The following WNK1 variants were observed in gnomAD, a reference collection of about 807,000 sequenced individuals.
WNK1 encodes the protein WNK lysine deficient protein kinase 1, also known as serine/threonine-protein kinase WNK1.
WNK1 carries 38 observed loss-of-function variants against 222.8 expected under a neutral mutation model. The observed-to-expected ratio is 0.17, with a 90% confidence interval of 0.13 to 0.22. The LOEUF is 0.22. WNK1 is among the 10% of genes least tolerant of loss of function. The pLI is 1.00. For missense variants in WNK1, 2,348 were observed against 2,918.4 expected, an observed-to-expected ratio of 0.80 and a Z score of 4.50; for synonymous variants, 1,090 against 1,092.9, an observed-to-expected ratio of 1.00 and a Z score of 0.05.
rs774193094 is a variant in WNK1 at position 900,532 on chromosome 12, C to T, written c.6505C>T (p.Pro2169Ser). The T allele has an allele frequency of 6.2e-7, 1 of 1,614,206 alleles. No individual in the cohort carries two copies. Among genetic ancestry groups the T allele is most frequent in the East Asian group, 2.2e-5 (1 of 44,888 alleles). ...CTTGCACCCCCAGCAGACCCTCCAC[C>T]CTCCTGGCAACATCCCAGAGTCCGG... ...SVLHPQQTLH[P>S]PGNIPESGQN... Residue 2169 changes from proline (P) to serine (S), a missense_variant, in exon 26 of 28, where the codon CCT becomes TCT. Transcript: ENST00000315939.
Position 753,544 on chromosome 12 carries a change from G to T in WNK1, c.-22G>T. On this transcript the variant is annotated 5_prime_UTR_variant, in exon 1 of 28. Coordinates refer to ENST00000315939, the MANE Select transcript of WNK1 (RefSeq NM_018979.4). This position sits in a 1 kb window ranked among gnomAD's most constrained non-coding sequence, Gnocchi z 5.2. ...TTCGTTCACGAATCCGAGCCCGCTC[G>T]CCTCTCTCCAGCGAACCGACCATGT... 4.3e-6 allele frequency: 7 copies of T among 1,611,442 alleles called. No homozygotes were observed. Among genetic ancestry groups the T allele is most frequent in the Non-Finnish European group, 5.9e-6 (7 of 1,179,792 alleles).
chr12:867,792 T>C lies in WNK1; in HGVS notation c.2140-3473T>C, dbSNP rs758710617. ...ACCATTTCATAGGGTTACACAGAAC[T>C]ACCCAGTTGTGCATGTCTGATGTAA... is the stretch of plus-strand genomic sequence containing the variant. On this transcript the variant is annotated intron_variant, in intron 8 of 27. Transcript: ENST00000315939. The C allele has an allele frequency of 2.4e-5, 37 of 1,532,898 alleles. No homozygotes were observed. In the East Asian group the frequency reaches 5.5e-4, roughly 23 times the overall value. The allele number at this position is 1,532,898 out of a possible 1,614,324, so 95.0% of individuals were successfully genotyped here. A position where few individuals can be genotyped will look rare whatever the true frequency, so the allele number is the denominator to read the frequency against.
intron 5 of WNK1, among the ~76,000 whole-genome samples, chr12:857,591 A>G (rs1217875036): frequency 6.6e-6 from 1 of 152,220 alleles, no homozygotes; most frequent in Non-Finnish European, 1.5e-5. Flanking sequence ...GTCCTTTACC[A>G]TTGAATTCTA....
rs1209736706 is a variant in WNK1 at position 883,821 on chromosome 12, A to G, written c.3711A>G (p.Pro1237=). ...AACCAATTCCTGCGTCTTCCATGCC[A>G]CAGCAAATAGGTGAATTTATTTTCT... is the stretch of plus-strand genomic sequence containing the variant. ...FKQPIPASSM[P]QQIGIPTSSL... Residue 1237 remains proline, a synonymous_variant, in exon 17 of 28, where the codon CCA becomes CCG. Transcript: ENST00000315939. 6.2e-7 allele frequency: 1 copy of G among 1,614,050 alleles called. No individual in the cohort carries two copies.
intron 4 of WNK1, among the ~76,000 whole-genome samples, chr12:843,226 C>G (rs907484831): frequency 1.3e-5 from 2 of 152,196 alleles, no homozygotes; most frequent in East Asian, 3.8e-4. Context: ...TGTGAGCGAC[C>G]ACGCCTGGCC....
At chr12:768,201 T>C (rs1300060122) in intron 1 of WNK1, among the ~76,000 whole-genome samples, 4 of 152,198 alleles carry the variant, frequency 2.6e-5, no homozygotes, top group South Asian at 2.1e-4. Flanking sequence ...TAGAGAGATA[T>C]ATTGGCTCAC....
At chr12:852,601 C>T (rs927209495) in intron 4 of WNK1, among the ~76,000 whole-genome samples, 23 of 152,000 alleles carry the variant, frequency 1.5e-4, no homozygotes, top group Non-Finnish European at 2.9e-4. Flanking sequence ...AGATAGTAAC[C>T]CAATTTATCT....
intron 1 of WNK1, among the ~76,000 whole-genome samples, chr12:807,976 C>T (rs1393331024): frequency 1.3e-5 from 2 of 152,114 alleles, no homozygotes; most frequent in African/African-American, 2.4e-5. Flanking sequence ...GCCTCGGCCT[C>T]CCAAAGTGCT....
At position 907,857 on chromosome 12, in the gene WNK1, C is replaced by A; in HGVS notation, c.6654C>A (p.Ser2218Arg). The part of the protein sequence containing the change: ...SLSAPGQGTS[S>R]TNTVGATVNS... ...TGTTGCTTATAATAGGAACCAGCAGCACAAACACTGTTGGGGCAACAGTGA... is the reference window on the plus strand; with the variant it reads ...TGTTGCTTATAATAGGAACCAGCAGAACAAACACTGTTGGGGCAACAGTGA... Residue 2218 changes from serine (S) to arginine (R), a missense_variant, in exon 27 of 28, where the codon AGC becomes AGA. Ser to Arg is a moderately radical substitution (Grantham distance 110, BLOSUM62 -1). This residue lies in a region of WNK1 where 1,144 missense variants were observed against 1,273.6 expected (regional missense o/e 0.90). Coordinates refer to ENST00000315939, the MANE Select transcript of WNK1 (RefSeq NM_018979.4). 1 of 1,613,716 alleles carries A rather than the reference C, an allele frequency of 6.2e-7. No individual in the cohort carries two copies. Among genetic ancestry groups the A allele is most frequent in the Non-Finnish European group, 8.5e-7 (1 of 1,180,020 alleles).
intron 25 of WNK1, among the ~76,000 whole-genome samples, 179 bp downstream of exon 25, chr12:897,860 TA>T (rs1954883390): frequency 6.6e-6 from 1 of 152,250 alleles, no homozygotes; most frequent in African/African-American, 2.4e-5. Flanking sequence ...TTTGAGTCTA[TA>T]GAAGTAGACT....
chr12:878,091 T>C, intron 9 of WNK1, 121 bp from the exon 10 acceptor site: 1 of 1,299,874 alleles, frequency 7.7e-7, no homozygotes, highest in Non-Finnish European at 1.1e-6. Flanking sequence ...GGTTTGTGCA[T>C]GTCTTGATTA....
intron 1 of WNK1, among the ~76,000 whole-genome samples, chr12:812,477 G>T (rs1032150998): frequency 2.0e-5 from 3 of 152,160 alleles, no homozygotes; most frequent in African/African-American, 7.2e-5. Flanking sequence ...TTCTATGGGG[G>T]ATAAGAGTCA....
chr12:849,476 TC>T (rs1273700225), intron 4 of WNK1, among the ~76,000 whole-genome samples: 14 of 152,334 alleles, frequency 9.2e-5, no homozygotes, highest in African/African-American at 2.9e-4. Flanking sequence ...TATGAGATCT[TC>T]CTGGCAAATG....
chr12:859,632 G>GTGTGTGTGTGTGTGTGGTT (rs369513114), intron 6 of WNK1, among the ~76,000 whole-genome samples, 168 bp downstream of exon 6: 17 of 122,658 alleles, frequency 1.4e-4, no homozygotes, highest in African/African-American at 4.4e-4. Flanking sequence ...GTGTGTGTGT[G>GTGTGTGTGTGTGTGTGGTT]TTTTTTTTTT....
At chr12:785,924 T>C (rs1204927972) in intron 1 of WNK1, among the ~76,000 whole-genome samples, 2 of 152,214 alleles carry the variant, frequency 1.3e-5, no homozygotes, top group Non-Finnish European at 2.9e-5. Flanking sequence ...GACTGTACTG[T>C]TCTGGCATCT....
rs1447686780 is a variant in WNK1 at position 813,828 on chromosome 12, T to G, written c.932+14T>G. ...AACACTTAAAACGTAAGTTCATCAG[T>G]ATTACAAAAGCTGACCAAGAAGTAT... On this transcript the variant is annotated intron_variant, in intron 2 of 27. Transcript: ENST00000315939. 6.2e-7 allele frequency: 1 copy of G among 1,613,114 alleles called. No homozygotes were observed. Among genetic ancestry groups the G allele is most frequent in the Non-Finnish European group, 8.5e-7 (1 of 1,179,492 alleles).
intron 1 of WNK1, among the ~76,000 whole-genome samples, chr12:812,792 T>C (rs551882474): frequency 1.3e-5 from 2 of 152,142 alleles, no homozygotes; most frequent in South Asian, 4.1e-4. Flanking sequence ...ACTAAAGTTA[T>C]ACACATACTC....
At chr12:888,095 A>G (rs905897313) in intron 20 of WNK1, among the ~76,000 whole-genome samples, 1 of 152,260 alleles carries the variant, frequency 6.6e-6, no homozygotes, top group South Asian at 2.1e-4. Flanking sequence ...ATCTTCTGAC[A>G]TGAGACAAGC....
At chr12:832,394 C>G (rs1256185690) in intron 4 of WNK1, among the ~76,000 whole-genome samples, 1 of 152,138 alleles carries the variant, frequency 6.6e-6, no homozygotes, top group African/African-American at 2.4e-5. Context: ...TGATAGGAAA[C>G]ATTTTGCTTT....
Sources: gnomAD v4.1 joint callset for allele counts (sites outside exome capture counted in the v4.1 genomes callset) on GRCh38, gnomAD v4.1.1 for gene constraint, gnomAD v4.1.1 regional missense constraint, Gnocchi (gnomAD v3.1) non-coding constraint, MANE v1.5 for transcripts, NCBI Gene and HGNC (gene_info 2026-07-23, HGNC 2026-07-21) for gene names.